ST13: variants seen among roughly 807,000 people sequenced by gnomAD.
ST13 encodes ST13 Hsp70 interacting protein.
Under a neutral mutation model 56.7 loss-of-function variants are expected in ST13, and 23 were observed. The observed-to-expected ratio is 0.41, with a 90% CI of 0.29 to 0.57. The LOEUF is 0.57. Ranked by LOEUF, ST13 falls within the 20% of genes least tolerant of loss-of-function variation. ST13 has a pLI of 0.36. For missense variants in ST13, 369 were observed against 459.9 expected (o/e 0.80, Z 1.81); for synonymous variants, 132 against 142.4 (o/e 0.93, Z 0.52).
chr22:40,835,419 A>C, intron 7 of ST13, 141 bp downstream of exon 7: 1 of 646,426 alleles, frequency 1.5e-6, no homozygotes, highest in Non-Finnish European at 2.7e-6. Context: ...TCTACAAGCT[A>C]TCTCACTTCT....
rs559906266 is a variant in ST13, at chr22:40,832,524, T to C, written c.681+45A>G. 29 of 1,387,048 alleles carry C rather than the reference T, an allele frequency of 2.1e-5. No individual in the cohort carries two copies. In the South Asian group the frequency reaches 3.0e-4, roughly 14 times the overall value. The allele number at this position is 1,387,048 out of a possible 1,614,324, so 85.9% of individuals were successfully genotyped here. A position where few individuals can be genotyped will look rare whatever the true frequency, so the allele number is the denominator to read the frequency against. On this transcript the variant is annotated intron_variant, in intron 8 of 11. Coordinates refer to ENST00000216218, the MANE Select transcript of ST13 (RefSeq NM_003932.5). Reference sequence around the variant, plus strand: ...TGTCGGGGGCTAAGCACTACAGCGATGGAGTATTTAACTAATGACTTTCCC... The same window carrying C: ...TGTCGGGGGCTAAGCACTACAGCGACGGAGTATTTAACTAATGACTTTCCC...
chr22:40,845,184 G>A (rs1312895608), intron 3 of ST13, among the ~76,000 whole-genome samples: 1 of 152,094 alleles, frequency 6.6e-6, no homozygotes, highest in Non-Finnish European at 1.5e-5. Flanking sequence ...CACTGATTTA[G>A]TCATTGTATA....
chr22:40,848,516 G>C, intron 2 of ST13, 147 bp from the exon 3 acceptor site: 1 of 639,170 alleles, frequency 1.6e-6, no homozygotes, highest in South Asian at 1.8e-5. Context: ...GGAGGCTGGG[G>C]TGGGTGGATC....
At chr22:40,855,893 G>A (rs1330465186) in intron 1 of ST13, among the ~76,000 whole-genome samples, 8 of 145,586 alleles carry the variant, frequency 5.5e-5, no homozygotes. Flanking sequence ...GGTATAATAA[G>A]TGATTCTCAA....
intron 1 of ST13, among the ~76,000 whole-genome samples, chr22:40,856,187 C>T (rs1398302871): frequency 6.6e-6 from 1 of 152,162 alleles, no homozygotes; most frequent in Non-Finnish European, 1.5e-5. Context: ...TTTTGTATTT[C>T]GCCCAAGATA....
chr22:40,855,522 T>A (rs1258105857), intron 1 of ST13, among the ~76,000 whole-genome samples: 1 of 152,194 alleles, frequency 6.6e-6, no homozygotes, highest in African/African-American at 2.4e-5. Context: ...TTGCTATTTA[T>A]CCCTGTTTAG....
intron 5 of ST13, among the ~76,000 whole-genome samples, chr22:40,840,383 C>T (rs1427324770): frequency 6.7e-6 from 1 of 149,762 alleles, no homozygotes; most frequent in Non-Finnish European, 1.5e-5. Context: ...AGCCTCTTCT[C>T]AGCAGAAAAA....
At chr22:40,828,052 AG>A (rs2057736953) in intron 10 of ST13, among the ~76,000 whole-genome samples, 1 of 152,240 alleles carries the variant, frequency 6.6e-6, no homozygotes, top group South Asian at 2.1e-4. Flanking sequence ...CCTTCAGTTA[AG>A]GACGACCTTA....
intron 2 of ST13, among the ~76,000 whole-genome samples, chr22:40,849,028 T>C (rs1365296520): frequency 6.6e-6 from 1 of 152,368 alleles, no homozygotes; most frequent in Non-Finnish European, 1.5e-5. Flanking sequence ...CATTGCAGGA[T>C]AGTCTCTCTA....
chr22:40,839,689 G>C (rs2057793708), intron 5 of ST13, among the ~76,000 whole-genome samples: 1 of 150,148 alleles, frequency 6.7e-6, no homozygotes, highest in African/African-American at 2.5e-5. Context: ...TGCTCGACTT[G>C]GGGTGGAGGT....
intron 1 of ST13, among the ~76,000 whole-genome samples, chr22:40,853,078 C>G (rs2057869836): frequency 6.6e-6 from 1 of 152,098 alleles, no homozygotes; most frequent in African/African-American, 2.4e-5. Flanking sequence ...CTGTTAAGAT[C>G]ATGAAAGTCA....
At chr22:40,847,419 C>G (rs1192054007) in intron 3 of ST13, among the ~76,000 whole-genome samples, 1 of 150,824 alleles carries the variant, frequency 6.6e-6, no homozygotes, top group African/African-American at 2.4e-5. Context: ...CCTGGTGGCA[C>G]ACGCCTGTAG....
intron 1 of ST13, among the ~76,000 whole-genome samples, chr22:40,852,675 C>T (rs1476991041): frequency 6.6e-6 from 1 of 152,166 alleles, no homozygotes; most frequent in Admixed American, 6.5e-5. Flanking sequence ...GAATAGCTCC[C>T]ATGTCAAACA....
intron 2 of ST13, 94 bp from the exon 3 acceptor site, chr22:40,848,463 A>G (rs2057844322): frequency 7.1e-6 from 6 of 845,358 alleles, no homozygotes; most frequent in African/African-American, 3.4e-5. Flanking sequence ...ACTGTCAAAT[A>G]TGGCCAGGCA....
At chr22:40,854,710 C>G (rs1332939688) in intron 1 of ST13, 1 of 152,158 alleles carries the variant, frequency 6.6e-6, no homozygotes, top group Non-Finnish European at 1.5e-5. Context: ...TTGGAGCCGG[C>G]TATTTTCTTC....
intron 4 of ST13, among the ~76,000 whole-genome samples, chr22:40,843,978 G>A (rs2057818119): frequency 6.6e-6 from 1 of 151,668 alleles, no homozygotes; most frequent in South Asian, 2.1e-4. Flanking sequence ...TGCCTCCTGG[G>A]TTCAAGTGAT....
intron 3 of ST13, among the ~76,000 whole-genome samples, chr22:40,846,316 T>C (rs2145745991): frequency 6.6e-6 from 1 of 152,348 alleles, no homozygotes; most frequent in Admixed American, 6.5e-5. Flanking sequence ...TATTAATAAC[T>C]ATCCATCTCA....
chr22:40,837,998 C>A (rs1403311022), intron 5 of ST13, among the ~76,000 whole-genome samples: 1 of 152,124 alleles, frequency 6.6e-6, no homozygotes, highest in Non-Finnish European at 1.5e-5. Context: ...CAAATCTATT[C>A]CCAATCTGTA....
At chr22:40,832,780 A>C (rs2057760008) in intron 7 of ST13, 109 bp from the exon 8 acceptor site, 1 of 785,216 alleles carries the variant, frequency 1.3e-6, no homozygotes, top group Admixed American at 2.4e-5. Context: ...GGCTTAAGTT[A>C]AATATTAACT....
Sources: allele counts gnomAD v4.1 joint callset (sites outside exome capture counted in the v4.1 genomes callset), GRCh38; gene constraint gnomAD v4.1.1; transcripts MANE v1.5; gene names NCBI Gene and HGNC (gene_info 2026-07-23, HGNC 2026-07-21).